Variants in DAB1 observed in about 807,000 individuals in gnomAD.
DAB1 encodes the protein DAB adaptor protein 1.
In DAB1, 15 loss-of-function variants were observed where a neutral mutation model predicts 64.6. The observed-to-expected ratio is 0.23, with a 90% CI of 0.16 to 0.36. DAB1 has a LOEUF of 0.36. Ranked by LOEUF, DAB1 falls within the 10% of genes least tolerant of loss-of-function variation. The pLI is 1.00. For synonymous variants in DAB1, 235 were observed against 251.9 expected, an observed-to-expected ratio of 0.93 and a Z score of 0.64; for missense variants, 596 against 706.7, an observed-to-expected ratio of 0.84 and a Z score of 1.78.
intron 1 of DAB1, among the ~76,000 whole-genome samples, chr1:57,843,704 G>A (rs1653153832): frequency 6.6e-6 from 1 of 152,168 alleles, no homozygotes; most frequent in Non-Finnish European, 1.5e-5. Flanking sequence ...AATACCAGCT[G>A]AAATGAATTA....
At chr1:57,714,078 T>C (rs1184720812) in intron 6 of DAB1, among the ~76,000 whole-genome samples, 1 of 152,148 alleles carries the variant, frequency 6.6e-6, no homozygotes, top group East Asian at 1.9e-4. Context: ...GGGAAGTAGA[T>C]GATAAACAAA....
chr1:57,686,993 G>A (rs987666224), intron 6 of DAB1, among the ~76,000 whole-genome samples: 2 of 152,146 alleles, frequency 1.3e-5, no homozygotes, highest in African/African-American at 4.8e-5. Context: ...ATGAGACAGT[G>A]ATGCCCAGTC....
At chr1:57,112,013 T>A (rs1409996788) in intron 4 of DAB1, among the ~76,000 whole-genome samples, 1 of 152,164 alleles carries the variant, frequency 6.6e-6, no homozygotes, top group Admixed American at 6.6e-5. Flanking sequence ...ATAAGAATAA[T>A]GATATTCCCA....
At chr1:57,757,696 T>A (rs1648881256) in intron 6 of DAB1, among the ~76,000 whole-genome samples, 1 of 152,218 alleles carries the variant, frequency 6.6e-6, no homozygotes, top group Non-Finnish European at 1.5e-5. Context: ...GAAGACTTCA[T>A]TTCCAAATAA....
At position 58,541,432 on chromosome 1, in the gene DAB1, G is replaced by A. The variant is rs1401539178; in HGVS notation, n.32+5271C>T. ...CATAGTGACAGAGAGATGAGTGACT[G>A]CTTGAGGAGTTGTAGGAAAAAAGCA... On this transcript the variant is annotated intron_variant and non_coding_transcript_variant, in intron 1 of 20. Transcript: ENST00000485760. 27 of 148,730 alleles carry A rather than the reference G, an allele frequency of 1.8e-4. 1 individual carries two copies. Among genetic ancestry groups the A allele is most frequent in the Admixed American group, 8.1e-4 (12 of 14,874 alleles). The allele number at this position is 148,730 out of a possible 1,614,324, so 9.2% of individuals were successfully genotyped here.
At chr1:58,054,160 A>C (rs1647901456) in intron 5 of DAB1, among the ~76,000 whole-genome samples, 1 of 152,250 alleles carries the variant, frequency 6.6e-6, no homozygotes, top group Non-Finnish European at 1.5e-5. Context: ...TAAGTCTTAG[A>C]GTTTCCTAGG....
At chr1:57,482,099 T>C (rs1644028318) in intron 7 of DAB1, among the ~76,000 whole-genome samples, 1 of 152,034 alleles carries the variant, frequency 6.6e-6, no homozygotes, top group African/African-American at 2.4e-5. Context: ...AATTGGGAAA[T>C]TTTATCTCCT....
chr1:57,160,024 C>T (rs1165979274), intron 2 of DAB1, among the ~76,000 whole-genome samples: 1 of 152,114 alleles, frequency 6.6e-6, no homozygotes, highest in Non-Finnish European at 1.5e-5. Flanking sequence ...GACTTTAAAT[C>T]TGCAGCTTTA....
rs190881101 is a variant in DAB1, at chr1:57,852,347, A to C, written n.88-25892T>G. 4.1e-4 allele frequency among the ~76,000 whole-genome samples: 63 copies of C among 152,268 alleles called. 1 individual carries two copies. Among genetic ancestry groups the C allele is most frequent in the Non-Finnish European group, 2.1e-4 (14 of 68,024 alleles). On this transcript the variant is annotated intron_variant and non_coding_transcript_variant, in intron 1 of 1. Coordinates refer to the DAB1 transcript ENST00000477280. ...CAGGCACATTTTTACATGACTGTCT[A>C]TTCTTCATAGCACCTAAGTATGAAA...
chr1:57,802,505 C>A (rs4912283), intron 6 of DAB1, among the ~76,000 whole-genome samples: 1 of 152,016 alleles, frequency 6.6e-6, no homozygotes, highest in Non-Finnish European at 1.5e-5. Flanking sequence ...AGCTCTGGAA[C>A]GAATATTGTC....
At chr1:58,011,641 T>C (rs561918974) in intron 5 of DAB1, among the ~76,000 whole-genome samples, 1 of 152,338 alleles carries the variant, frequency 6.6e-6, no homozygotes, top group African/African-American at 2.4e-5. Context: ...CACAATAGTT[T>C]ATTTCTTCAA....
intron 2 of DAB1, among the ~76,000 whole-genome samples, chr1:57,268,665 C>T (rs1041023220): frequency 6.6e-6 from 1 of 152,194 alleles, no homozygotes; most frequent in Non-Finnish European, 1.5e-5. Context: ...TCATTAAATA[C>T]CTTCTATGTG....
At chr1:57,558,147 C>G (rs1421512336) in intron 7 of DAB1, among the ~76,000 whole-genome samples, 2 of 152,208 alleles carry the variant, frequency 1.3e-5, no homozygotes, top group Admixed American at 1.3e-4. Context: ...GCTGGGGACA[C>G]TGAGTTTGTA....
intron 3 of DAB1, among the ~76,000 whole-genome samples, chr1:58,357,699 G>C (rs1644124574): frequency 6.6e-6 from 1 of 152,138 alleles, no homozygotes; most frequent in Non-Finnish European, 1.5e-5. Context: ...AGTGGGTCTG[G>C]GGTAGAGCCT....
intron 6 of DAB1, among the ~76,000 whole-genome samples, chr1:57,656,016 G>T (rs548302186): frequency 6.6e-6 from 1 of 152,244 alleles, no homozygotes; most frequent in South Asian, 2.1e-4. Flanking sequence ...AGGAGGTGGG[G>T]ACTTTAGGAG....
intron 6 of DAB1, among the ~76,000 whole-genome samples, chr1:57,687,599 C>CAAAAAAAAAAAAAA (rs57316234): frequency 1.7e-3 from 141 of 82,416 alleles, no homozygotes; most frequent in African/African-American, 3.5e-3. Context: ...TCTTAAGAAA[C>CAAAAAAAAAAAAAA]AAAAAAAAAA....
chr1:57,623,459 T>C (rs1336615134), intron 7 of DAB1, among the ~76,000 whole-genome samples: 1 of 152,158 alleles, frequency 6.6e-6, no homozygotes, highest in Non-Finnish European at 1.5e-5. Context: ...GGTCTTGTAA[T>C]AACATGAGCA....
intron 1 of DAB1, chr1:57,863,092 C>G (rs1654138006): frequency 6.6e-6 from 1 of 151,970 alleles, no homozygotes; most frequent in Admixed American, 6.6e-5. Flanking sequence ...TACTAAATAG[C>G]AATAAAAAGG....
intron 7 of DAB1, among the ~76,000 whole-genome samples, chr1:57,461,872 C>A (rs1339889411): frequency 6.7e-6 from 1 of 150,060 alleles, no homozygotes; most frequent in African/African-American, 2.5e-5. Flanking sequence ...ATGAATGAAA[C>A]CATGGAGGGC....
Sources: allele counts gnomAD v4.1 joint callset (sites outside exome capture counted in the v4.1 genomes callset), GRCh38; gene constraint gnomAD v4.1.1; transcripts MANE v1.5; gene names NCBI Gene and HGNC (gene_info 2026-07-23, HGNC 2026-07-21).